XPNPEP3: variants seen among roughly 807,000 people sequenced by gnomAD.
The protein encoded by XPNPEP3 is xaa-Pro aminopeptidase 3.
In XPNPEP3, 41 loss-of-function variants were observed where a neutral mutation model predicts 60.0. The observed-to-expected ratio is 0.68, with a 90% CI of 0.53 to 0.89. The LOEUF is 0.89. Ranked by LOEUF, XPNPEP3 falls within the 40% of genes least tolerant of loss-of-function variation. The pLI, the probability that XPNPEP3 is intolerant of heterozygous loss-of-function variation, is 0.00. For synonymous variants in XPNPEP3, 212 were observed against 223.2 expected (o/e 0.95, Z 0.45); for missense variants, 598 against 638.9 (o/e 0.94, Z 0.69).
At chr22:40,857,920 CTA>C (rs1302554716) in intron 1 of XPNPEP3, among the ~76,000 whole-genome samples, 1 of 152,116 alleles carries the variant, frequency 6.6e-6, no homozygotes, top group Admixed American at 6.5e-5. Flanking sequence ...GACATCAAAG[CTA>C]TGTCTTGGCA....
At chr22:40,874,264 A>C (rs184336680) in intron 2 of XPNPEP3, among the ~76,000 whole-genome samples, 7 of 152,292 alleles carry the variant, frequency 4.6e-5, no homozygotes, top group African/African-American at 1.7e-4. Context: ...ATCTCAGAAG[A>C]ATTTAAAAAA....
chr22:40,867,507 TAAAA>T (rs1371158001), intron 1 of XPNPEP3, among the ~76,000 whole-genome samples: 1 of 151,748 alleles, frequency 6.6e-6, no homozygotes, highest in African/African-American at 2.4e-5. Flanking sequence ...TAAAAAGATT[TAAAA>T]AAAAGAAAAA....
At chr22:40,916,184 C>T (rs2058195379) in intron 7 of XPNPEP3, among the ~76,000 whole-genome samples, 2 of 151,690 alleles carry the variant, frequency 1.3e-5, no homozygotes, top group African/African-American at 2.4e-5. Flanking sequence ...CCCAGCTACT[C>T]GGGAGGCTGA....
In XPNPEP3 at chr22:40,918,791, T is replaced by TG. The variant is rs200905757; in HGVS notation, c.1056-3542_1056-3541insG. Among the ~76,000 whole-genome samples, 679 of 151,528 alleles carry TG rather than the reference T, an allele frequency of 4.5e-3. 3 individuals carry two copies. The highest frequency in any genetic ancestry group is 0.017 in the Middle Eastern group (5 of 290). On this transcript the variant is annotated intron_variant, in intron 7 of 9. Coordinates refer to ENST00000357137, the MANE Select transcript of XPNPEP3 (RefSeq NM_022098.4). ...CTGCCAAGTTTTGGTGGGTTTTTTTTTTGTTGTTGTTGTTGTTTTATCTGA... is the reference window on the plus strand; with the variant it reads ...CTGCCAAGTTTTGGTGGGTTTTTTTTGTTGTTGTTGTTGTTGTTTTATCTGA...
chr22:40,920,815 G>A (rs935746888), intron 7 of XPNPEP3, among the ~76,000 whole-genome samples: 34 of 151,790 alleles, frequency 2.2e-4, no homozygotes, highest in Admixed American at 1.1e-3. Flanking sequence ...TTTTTGAGAC[G>A]GAGTTTCACT....
At chr22:40,872,306 A>G (rs1343757536) in intron 2 of XPNPEP3, among the ~76,000 whole-genome samples, 2 of 152,196 alleles carry the variant, frequency 1.3e-5, no homozygotes, top group Admixed American at 6.5e-5. Flanking sequence ...TTTTTATGAC[A>G]GTGCCATCTC....
chr22:40,874,556 G>C (rs2058020361), intron 2 of XPNPEP3, among the ~76,000 whole-genome samples: 2 of 152,140 alleles, frequency 1.3e-5, no homozygotes, highest in Middle Eastern at 3.4e-3. Context: ...CTCCTGAATA[G>C]CTGGGACTAC....
rs560908648 is a variant in XPNPEP3 at position 40,914,531 on chromosome 22, A to ATTTTTTTT, written c.1055+231_1055+238dup. Among the ~76,000 whole-genome samples, 7 of 67,658 alleles carry ATTTTTTTT rather than the reference A, an allele frequency of 1.0e-4. 1 individual carries two copies. The highest frequency in any genetic ancestry group is 2.8e-4 in the African/African-American group (5 of 17,640). The allele number at this position is 67,658 out of a possible 152,430, so 44.4% of individuals were successfully genotyped here. A position where few individuals can be genotyped will look rare whatever the true frequency, so the allele number is the denominator to read the frequency against. ...AGAAACACCTAGGTAACTAACAAAGATTTTTTTTTTTTTTTTTTTTTTTTT... is the reference window on the plus strand; with the variant it reads ...AGAAACACCTAGGTAACTAACAAAGATTTTTTTTTTTTTTTTTTTTTTTTTTTTTTTTT... On this transcript the variant is annotated intron_variant, in intron 7 of 9. Transcript: ENST00000357137.
chr22:40,862,833 A>G, intron 1 of XPNPEP3: 1 of 817,608 alleles, frequency 1.2e-6, no homozygotes, highest in Non-Finnish European at 1.5e-6. Flanking sequence ...CACTGGTGAT[A>G]GCAGTATTGA....
chr22:40,914,708 A>G (rs2058189559), intron 7 of XPNPEP3, among the ~76,000 whole-genome samples: 1 of 151,886 alleles, frequency 6.6e-6, no homozygotes, highest in African/African-American at 2.4e-5. Context: ...CTATAGGCAC[A>G]TTGCCACCAT....
chr22:40,894,415 A>G (rs1176600655), intron 4 of XPNPEP3, among the ~76,000 whole-genome samples: 1 of 152,148 alleles, frequency 6.6e-6, no homozygotes, highest in Admixed American at 6.5e-5. Flanking sequence ...TGTACAACAT[A>G]TTTTGATATA....
chr22:40,909,275 G>T, intron 6 of XPNPEP3, 40 bp downstream of exon 6: 1 of 1,519,334 alleles, frequency 6.6e-7, no homozygotes. Context: ...ACTAGGTCCA[G>T]ATAGCCTAGT....
chr22:40,924,518 ATGTT>A lies in XPNPEP3; in HGVS notation c.1357+54_1357+57del, dbSNP rs541190297. On this transcript the variant is annotated intron_variant, in intron 9 of 9. Transcript: ENST00000357137. ...GTGTTACAATAGTAGTATGAGGTAAATGTTTGTTTGTTTGTTTGTTTTTGAGATG... is the reference window on the plus strand; with the variant it reads ...GTGTTACAATAGTAGTATGAGGTAAATGTTTGTTTGTTTGTTTTTGAGATG... 2.5e-4 allele frequency: 405 copies of A among 1,612,254 alleles called. 1 individual carries two copies. The highest frequency in any genetic ancestry group is 5.2e-4 in the South Asian group (47 of 90,910).
chr22:40,897,298 G>A (rs572018025), intron 4 of XPNPEP3, among the ~76,000 whole-genome samples: 2 of 152,100 alleles, frequency 1.3e-5, no homozygotes, highest in African/African-American at 4.8e-5. Flanking sequence ...AAAGTGCTGG[G>A]ATAACAGGCG....
chr22:40,896,231 T>G (rs1429311266), intron 4 of XPNPEP3, among the ~76,000 whole-genome samples: 1 of 152,116 alleles, frequency 6.6e-6, no homozygotes, highest in African/African-American at 2.4e-5. Flanking sequence ...AAACAGGGTT[T>G]CACCATGTTG....
rs189325151 is a variant in XPNPEP3, at chr22:40,923,520, T to C, written c.1237-842T>C. Among the ~76,000 whole-genome samples, 8 of 152,198 alleles carry C rather than the reference T, an allele frequency of 5.3e-5. No individual in the cohort carries two copies. The East Asian group carries it at 1.5e-3, about 29-fold the overall frequency. ...AGTAAAAATGAAGCTATAAATTGGCTGTTGCTTGGGCCAACAAATCTTTAA... is the reference window on the plus strand; with the variant it reads ...AGTAAAAATGAAGCTATAAATTGGCCGTTGCTTGGGCCAACAAATCTTTAA... On this transcript the variant is annotated intron_variant, in intron 8 of 9. Coordinates refer to ENST00000357137, the MANE Select transcript of XPNPEP3 (RefSeq NM_022098.4).
At chr22:40,866,672 T>C (rs2057980133) in intron 1 of XPNPEP3, among the ~76,000 whole-genome samples, 1 of 152,162 alleles carries the variant, frequency 6.6e-6, no homozygotes. Flanking sequence ...TGGATATTTT[T>C]GAAATAGGAC....
At chr22:40,909,996 A>C (rs1485992671) in intron 6 of XPNPEP3, among the ~76,000 whole-genome samples, 1 of 151,624 alleles carries the variant, frequency 6.6e-6, no homozygotes. Context: ...ATCTTCTATG[A>C]TTTTCTTCCC....
intron 6 of XPNPEP3, among the ~76,000 whole-genome samples, chr22:40,911,443 A>G (rs1443998340): frequency 1.3e-5 from 2 of 152,018 alleles, no homozygotes; most frequent in Non-Finnish European, 2.9e-5. Context: ...AAATTTGGTA[A>G]ACACGTGTAG....
Sources: gnomAD v4.1 joint callset for allele counts (sites outside exome capture counted in the v4.1 genomes callset) on GRCh38, gnomAD v4.1.1 for gene constraint, MANE v1.5 for transcripts, NCBI Gene and HGNC (gene_info 2026-07-23, HGNC 2026-07-21) for gene names.